The following GALNT17 variants were observed in gnomAD, a reference collection of about 807,000 sequenced individuals.
The protein encoded by GALNT17 is polypeptide N-acetylgalactosaminyltransferase 17.
Under a neutral mutation model 63.7 loss-of-function variants are expected in GALNT17, and 29 were observed. The ratio of observed to expected loss-of-function variants is 0.46; its 90% CI spans 0.34 to 0.62. The LOEUF (loss-of-function observed/expected upper bound fraction) is 0.62. GALNT17 is among the 20% of genes least tolerant of loss of function. The probability of loss-of-function intolerance (pLI) is 0.01; values close to 1 mark genes in which losing one functional copy is unlikely to be tolerated. For synonymous variants in GALNT17, 305 were observed against 318.3 expected (o/e 0.96, Z 0.45); for missense variants, 603 against 799.6 (o/e 0.75, Z 2.97).
chr7:71,576,921 A>G (rs1207700490), intron 6 of GALNT17, among the ~76,000 whole-genome samples: 1 of 152,202 alleles, frequency 6.6e-6, no homozygotes, highest in Non-Finnish European at 1.5e-5. Flanking sequence ...TCATATGTTC[A>G]TCACAGTGCT....
intron 9 of GALNT17, among the ~76,000 whole-genome samples, chr7:71,679,349 G>A (rs1256761709): frequency 6.6e-6 from 1 of 152,144 alleles, no homozygotes; most frequent in Non-Finnish European, 1.5e-5. Flanking sequence ...AGTGAGCCAT[G>A]ATCATGCCAC....
chr7:71,403,401 A>T (rs1262252867), intron 3 of GALNT17, among the ~76,000 whole-genome samples: 1 of 152,220 alleles, frequency 6.6e-6, no homozygotes, highest in Non-Finnish European at 1.5e-5. Context: ...GTTTGGTATT[A>T]GCAGAGCTGA....
At chr7:71,704,390 C>G (rs1002937905) in intron 9 of GALNT17, among the ~76,000 whole-genome samples, 1 of 151,820 alleles carries the variant, frequency 6.6e-6, no homozygotes, top group Non-Finnish European at 1.5e-5. Context: ...AAAAGATATC[C>G]TGTGTTCATG....
At chr7:71,690,368 GAAA>G in intron 9 of GALNT17, among the ~76,000 whole-genome samples, 1 of 132,386 alleles carries the variant, frequency 7.6e-6, no homozygotes, top group African/African-American at 2.8e-5. Flanking sequence ...CCACTTCTCA[GAAA>G]AAAAAAAAAA....
At chr7:71,313,726 G>A (rs1206026107) in intron 1 of GALNT17, among the ~76,000 whole-genome samples, 3 of 152,124 alleles carry the variant, frequency 2.0e-5, no homozygotes, top group African/African-American at 7.2e-5. Flanking sequence ...TGACTCAGAG[G>A]TTCTCTGAGT....
chr7:71,232,683 C>G (rs1789814482), intron 1 of GALNT17, among the ~76,000 whole-genome samples: 1 of 152,154 alleles, frequency 6.6e-6, no homozygotes, highest in East Asian at 1.9e-4. Context: ...AGGGCTGCCC[C>G]ATAGGCAGTG....
intron 3 of GALNT17, among the ~76,000 whole-genome samples, chr7:71,406,113 T>C (rs1158212789): frequency 2.6e-5 from 4 of 152,228 alleles, no homozygotes; most frequent in Non-Finnish European, 5.9e-5. Context: ...GGCTGACTAG[T>C]GTTCTGGAGT....
chr7:71,214,858 G>A (rs751063921), intron 1 of GALNT17, among the ~76,000 whole-genome samples: 4 of 152,116 alleles, frequency 2.6e-5, no homozygotes, highest in East Asian at 1.9e-4. Flanking sequence ...GATTACAGGC[G>A]TGAGCCACCG....
intron 5 of GALNT17, among the ~76,000 whole-genome samples, chr7:71,424,425 C>T (rs972013726): frequency 6.6e-6 from 1 of 152,210 alleles, no homozygotes; most frequent in African/African-American, 2.4e-5. Flanking sequence ...GGAGTGCCTT[C>T]GGATGCCCAG....
chr7:71,338,805 A>C (rs1359715042), intron 2 of GALNT17, among the ~76,000 whole-genome samples: 1 of 152,196 alleles, frequency 6.6e-6, no homozygotes, highest in Non-Finnish European at 1.5e-5. Flanking sequence ...TGTACAAATC[A>C]GTTAAGTGTC....
chr7:71,512,818 T>G lies in GALNT17; in HGVS notation c.963-58467T>G, dbSNP rs561899211. Among the ~76,000 whole-genome samples, 14 of 151,712 alleles carry G rather than the reference T, an allele frequency of 9.2e-5. No individual in the cohort carries two copies. In the East Asian group the frequency reaches 2.7e-3, roughly 30 times the overall value. ...ATGCAAGGGGAAGGCAGTGGTGGAG[T>G]GGGGAGAATGAGGAGAATCAGGCCT... On this transcript the variant is annotated intron_variant, in intron 5 of 10. Coordinates refer to ENST00000333538, the MANE Select transcript of GALNT17 (RefSeq NM_022479.3).
chr7:71,312,190 T>TG lies in GALNT17; in HGVS notation c.239-23356dup, dbSNP rs532914713. 8.6e-4 allele frequency among the ~76,000 whole-genome samples: 131 copies of TG among 152,360 alleles called. 1 individual carries two copies. The highest frequency in any genetic ancestry group is 3.0e-3 in the African/African-American group (126 of 41,586). ...GAGCTGCACTTCTGGGCAAACTGCC[T>TG]GGGGTTAGCCCTGCTCTGCAAGGAG... is the stretch of plus-strand genomic sequence containing the variant. On this transcript the variant is annotated intron_variant, in intron 1 of 10. Transcript: ENST00000333538.
intron 1 of GALNT17, among the ~76,000 whole-genome samples, chr7:71,313,021 A>G (rs1258050632): frequency 6.6e-6 from 1 of 152,118 alleles, no homozygotes; most frequent in Non-Finnish European, 1.5e-5. Context: ...AGGCAGGAGG[A>G]TCACTTGAGC....
At chr7:71,237,283 T>G (rs929031313) in intron 1 of GALNT17, among the ~76,000 whole-genome samples, 1 of 152,078 alleles carries the variant, frequency 6.6e-6, no homozygotes, top group Non-Finnish European at 1.5e-5. Flanking sequence ...GTGTGAACTT[T>G]ATATGCACCA....
At chr7:71,523,330 G>A (rs1026982721) in intron 5 of GALNT17, among the ~76,000 whole-genome samples, 1 of 152,208 alleles carries the variant, frequency 6.6e-6, no homozygotes, top group African/African-American at 2.4e-5. Context: ...TCAGGAAGCT[G>A]AGGTGGGAGA....
intron 1 of GALNT17, chr7:71,300,190 A>G: frequency 3.6e-6 from 1 of 275,828 alleles, no homozygotes; most frequent in South Asian, 3.3e-5. Flanking sequence ...CTTTTGTGGG[A>G]GATGATTTAA....
chr7:71,463,462 A>AGAGG (rs747129138), intron 5 of GALNT17, among the ~76,000 whole-genome samples: 95 of 152,118 alleles, frequency 6.2e-4, no homozygotes, highest in Non-Finnish European at 2.8e-4. Context: ...AGACCTCAAG[A>AGAGG]GAGGGTTCTT....
chr7:71,503,630 C>A (rs1323582341), intron 5 of GALNT17, among the ~76,000 whole-genome samples: 1 of 152,144 alleles, frequency 6.6e-6, no homozygotes, highest in Non-Finnish European at 1.5e-5. Context: ...TTCAATGTAG[C>A]CAAGATTTCA....
intron 5 of GALNT17, among the ~76,000 whole-genome samples, chr7:71,459,168 G>T (rs1464088564): frequency 6.6e-6 from 1 of 152,016 alleles, no homozygotes; most frequent in Non-Finnish European, 1.5e-5. Context: ...TCACAAATCA[G>T]ACAGCCTACA....
Sources: allele counts gnomAD v4.1 joint callset (sites outside exome capture counted in the v4.1 genomes callset), GRCh38; gene constraint gnomAD v4.1.1; transcripts MANE v1.5; gene names NCBI Gene and HGNC (gene_info 2026-07-23, HGNC 2026-07-21).